TFCP2L1: variants seen among roughly 807,000 people sequenced by gnomAD.
TFCP2L1 encodes transcription factor CP2 like 1, also known as transcription factor CP2-like protein 1.
Under a neutral mutation model 72.2 loss-of-function variants are expected in TFCP2L1, and 12 were observed. The observed-to-expected ratio is 0.17, with a 90% CI of 0.11 to 0.27. The LOEUF is 0.27. Among genes scored for constraint, TFCP2L1 ranks in the 10% least tolerant of loss-of-function variants. The pLI is 1.00. For synonymous variants in TFCP2L1, 260 were observed against 251.0 expected (o/e 1.04, Z -0.34); for missense variants, 488 against 624.6 (o/e 0.78, Z 2.33).
intron 1 of TFCP2L1, among the ~76,000 whole-genome samples, chr2:121,282,406 A>C (rs1687282826): frequency 6.6e-6 from 1 of 151,046 alleles, no homozygotes; most frequent in Admixed American, 6.6e-5. Context: ...TTAAGCCAGG[A>C]ACAGTGGCTC....
At chr2:121,265,865 CTT>C (rs559969459) in intron 2 of TFCP2L1, among the ~76,000 whole-genome samples, 4,126 of 131,436 alleles carry the variant, frequency 0.031, 85 homozygotes, top group East Asian at 0.15. Context: ...AAGTAGTAAT[CTT>C]TTTTTTTTTT....
chr2:121,222,841 G>A lies in TFCP2L1; in HGVS notation c.*1500C>T, dbSNP rs1685952644. 6.6e-6 allele frequency: 1 copy of A among 152,186 alleles called. No individual in the cohort carries two copies. The highest frequency in any genetic ancestry group is 6.5e-5 in the Admixed American group (1 of 15,276). 9.4% of individuals were successfully genotyped at this position (152,186 alleles called of 1,614,324 possible). On this transcript the variant is annotated 3_prime_UTR_variant, in exon 15 of 15. Transcript: ENST00000263707. ...CACTCCCCGCTTCTCCTCTAAAGAAGGAAGAGGAATCAGGAGCCTGTCCTC... is the reference window on the plus strand; with the variant it reads ...CACTCCCCGCTTCTCCTCTAAAGAAAGAAGAGGAATCAGGAGCCTGTCCTC...
Position 121,237,995 on chromosome 2 carries a change from C to T in TFCP2L1, c.861-145G>A. The T allele has an allele frequency of 6.0e-6, 5 of 833,226 alleles. No homozygotes were observed. In the South Asian group the frequency reaches 8.4e-5, roughly 14 times the overall value. 51.6% of individuals were successfully genotyped at this position (833,226 alleles called of 1,614,324 possible). On this transcript the variant is annotated intron_variant, in intron 8 of 14. Transcript: ENST00000263707. ...ATGAGTCCTCAAGAATTTCCTGAGT[C>T]ACAGAAACACAGCAGGAGCCAATGT...
intron 5 of TFCP2L1, among the ~76,000 whole-genome samples, chr2:121,247,798 C>T (rs1034810867): frequency 9.2e-5 from 14 of 151,876 alleles, no homozygotes; most frequent in African/African-American, 3.4e-4. Flanking sequence ...GCATATAACA[C>T]AAGGCTGGAT....
chr2:121,259,522 A>T (rs1686792504), intron 2 of TFCP2L1, among the ~76,000 whole-genome samples: 4 of 152,256 alleles, frequency 2.6e-5, no homozygotes, highest in Non-Finnish European at 5.9e-5. Flanking sequence ...GAGGATATAC[A>T]TACTAACCAT....
At chr2:121,238,514 T>C (rs527568710) in intron 8 of TFCP2L1, among the ~76,000 whole-genome samples, 15 of 152,286 alleles carry the variant, frequency 9.8e-5, no homozygotes, top group South Asian at 6.2e-4. Context: ...GCCACCAGAC[T>C]GCACACTTAA....
At chr2:121,257,405 C>A (rs970001885) in intron 2 of TFCP2L1, among the ~76,000 whole-genome samples, 2 of 152,194 alleles carry the variant, frequency 1.3e-5, no homozygotes, top group African/African-American at 2.4e-5. Flanking sequence ...GGTTCCTGCC[C>A]AAGGGCCCTG....
At chr2:121,278,673 A>T (rs1213746711) in intron 2 of TFCP2L1, among the ~76,000 whole-genome samples, 1 of 149,508 alleles carries the variant, frequency 6.7e-6, no homozygotes, top group African/African-American at 2.5e-5. Context: ...GTGACAGAGC[A>T]AGACTGTCTC....
At position 121,242,389 on chromosome 2, in the gene TFCP2L1, C is replaced by T; in HGVS notation, c.738G>A (p.Gln246=). Reference sequence around the variant, plus strand: ...TGAGGATGGTGGTTTCATAGGACGGCTGGTATTTCTCCTTCTCTTGGGCAG... The same window carrying T: ...TGAGGATGGTGGTTTCATAGGACGGTTGGTATTTCTCCTTCTCTTGGGCAG... ...KRTAQEKEKY[Q]PSYETTILTE... is the part of the protein sequence containing the mutation. Residue 246 remains glutamine, a synonymous_variant, in exon 7 of 15, where the codon CAG becomes CAA. Coordinates refer to ENST00000263707, the MANE Select transcript of TFCP2L1 (RefSeq NM_014553.3). 1 of 1,614,222 alleles carries T rather than the reference C, an allele frequency of 6.2e-7. No homozygotes were observed. The highest frequency in any genetic ancestry group is 1.7e-5 in the Admixed American group (1 of 60,026).
chr2:121,268,823 T>A (rs545465380), intron 2 of TFCP2L1, among the ~76,000 whole-genome samples: 1 of 149,612 alleles, frequency 6.7e-6, no homozygotes, highest in South Asian at 2.2e-4. Flanking sequence ...ACATACTAGA[T>A]ACCTTTCACG....
At chr2:121,238,057 A>G (rs1686288072) in intron 8 of TFCP2L1, among the ~76,000 whole-genome samples, 1 of 152,226 alleles carries the variant, frequency 6.6e-6, no homozygotes. Flanking sequence ...CCTTCATTGT[A>G]GACAGCAAGT....
At chr2:121,234,601 C>T (rs1380065592) in intron 11 of TFCP2L1, among the ~76,000 whole-genome samples, 1 of 152,212 alleles carries the variant, frequency 6.6e-6, no homozygotes, top group East Asian at 1.9e-4. Flanking sequence ...TGCACAGCAC[C>T]TAAGAGGCAG....
chr2:121,257,846 G>T (rs920312727), intron 2 of TFCP2L1, among the ~76,000 whole-genome samples: 1 of 150,120 alleles, frequency 6.7e-6, no homozygotes, highest in Admixed American at 6.6e-5. Context: ...AACTGCTTTC[G>T]GCGCTTTGCA....
chr2:121,277,759 A>T (rs1043762133), intron 2 of TFCP2L1, among the ~76,000 whole-genome samples: 2 of 152,224 alleles, frequency 1.3e-5, no homozygotes, highest in African/African-American at 4.8e-5. Flanking sequence ...CGGCTGACAA[A>T]TATAGTAAAT....
chr2:121,258,819 C>A lies in TFCP2L1; in HGVS notation c.215-9172G>T, dbSNP rs904841307. ...TGCTACGGGACATCAGAACAATTGGCCCTATTTTAATAGGAATAGATGATA... is the reference window on the plus strand; with the variant it reads ...TGCTACGGGACATCAGAACAATTGGACCTATTTTAATAGGAATAGATGATA... On this transcript the variant is annotated intron_variant, in intron 2 of 14. Coordinates refer to ENST00000263707, the MANE Select transcript of TFCP2L1 (RefSeq NM_014553.3). Among the ~76,000 whole-genome samples, 6 of 152,060 alleles carry A rather than the reference C, an allele frequency of 3.9e-5. 1 individual carries two copies. The highest frequency in any genetic ancestry group is 3.9e-4 in the Admixed American group (6 of 15,264).
chr2:121,250,857 G>T (rs963282601), intron 2 of TFCP2L1, among the ~76,000 whole-genome samples: 2 of 151,610 alleles, frequency 1.3e-5, no homozygotes, highest in Non-Finnish European at 2.9e-5. Context: ...CATCCACCTT[G>T]GCCTCCCAAA....
At chr2:121,254,376 T>A (rs1339987773) in intron 2 of TFCP2L1, among the ~76,000 whole-genome samples, 1 of 152,136 alleles carries the variant, frequency 6.6e-6, no homozygotes, top group Non-Finnish European at 1.5e-5. Flanking sequence ...GCAATAGGTA[T>A]CCAGGACGAG....
chr2:121,245,858 C>A (rs1558734595), intron 6 of TFCP2L1, among the ~76,000 whole-genome samples: 1 of 152,202 alleles, frequency 6.6e-6, no homozygotes, highest in Non-Finnish European at 1.5e-5. Flanking sequence ...TGCCTTCGGT[C>A]TGGGGGAAGA....
intron 1 of TFCP2L1, among the ~76,000 whole-genome samples, chr2:121,281,654 T>C (rs981737586): frequency 3.9e-5 from 6 of 152,218 alleles, no homozygotes; most frequent in African/African-American, 1.4e-4. Flanking sequence ...GTTTCACTTT[T>C]AGAATAAAAA....
Sources: gnomAD v4.1 joint callset for allele counts (sites outside exome capture counted in the v4.1 genomes callset) on GRCh38, gnomAD v4.1.1 for gene constraint, MANE v1.5 for transcripts, NCBI Gene and HGNC (gene_info 2026-07-23, HGNC 2026-07-21) for gene names.